Variants in SGCD observed in about 807,000 individuals in gnomAD.
The protein encoded by SGCD is delta-sarcoglycan.
Under a neutral mutation model 36.6 loss-of-function variants are expected in SGCD, and 18 were observed. That is an observed-to-expected ratio of 0.49 (90% confidence interval 0.34 to 0.73). The LOEUF (loss-of-function observed/expected upper bound fraction) is 0.73, where lower values mean the gene tolerates loss of function less well. Among genes scored for constraint, SGCD ranks in the 30% least tolerant of loss-of-function variants. The pLI, the probability that SGCD is intolerant of heterozygous loss-of-function variation, is 0.01. For synonymous variants in SGCD, 133 were observed against 130.6 expected, an observed-to-expected ratio of 1.02 and a Z score of -0.12; for missense variants, 387 against 346.7, an observed-to-expected ratio of 1.12 and a Z score of -0.92.
At chr5:156,122,194 G>C (rs1014955775) in intron 2 of SGCD, among the ~76,000 whole-genome samples, 2 of 152,112 alleles carry the variant, frequency 1.3e-5, no homozygotes, top group African/African-American at 4.8e-5. Flanking sequence ...TAACCTTACT[G>C]TCTGCTTATT....
At chr5:156,390,010 C>T (rs142496246) in intron 3 of SGCD, among the ~76,000 whole-genome samples, 3 of 152,128 alleles carry the variant, frequency 2.0e-5, no homozygotes, top group African/African-American at 7.2e-5. Context: ...TCATAGTCGT[C>T]GTCTTATGGT....
At chr5:156,757,472 C>G (rs1472731447) in intron 7 of SGCD, 109 bp from the exon 8 acceptor site, 1 of 712,730 alleles carries the variant, frequency 1.4e-6, no homozygotes, top group African/African-American at 1.8e-5. Flanking sequence ...TTAAAAAATT[C>G]TCTGATCAAA....
At chr5:156,636,649 A>G (rs1412660730) in intron 6 of SGCD, among the ~76,000 whole-genome samples, 2 of 152,176 alleles carry the variant, frequency 1.3e-5, no homozygotes, top group East Asian at 3.9e-4. Context: ...GGAAAGGAAA[A>G]GTACTTTCTG....
intron 3 of SGCD, among the ~76,000 whole-genome samples, chr5:156,398,341 G>C (rs1350850169): frequency 3.9e-5 from 6 of 152,178 alleles, no homozygotes; most frequent in Admixed American, 3.9e-4. Flanking sequence ...GTTTGTTGAG[G>C]AATCTATTTA....
intron 1 of SGCD, among the ~76,000 whole-genome samples, chr5:156,017,620 A>G (rs901898779): frequency 6.6e-6 from 1 of 152,088 alleles, no homozygotes; most frequent in Admixed American, 6.5e-5. Context: ...CTGATATGTA[A>G]GAAATTCAAT....
intron 1 of SGCD, among the ~76,000 whole-genome samples, chr5:155,941,608 A>T (rs982002869): frequency 6.6e-6 from 1 of 151,496 alleles, no homozygotes. Context: ...TTACATTGCC[A>T]TTCATAATTA....
chr5:156,030,595 A>T (rs969787035), intron 1 of SGCD, among the ~76,000 whole-genome samples: 3 of 152,232 alleles, frequency 2.0e-5, no homozygotes, highest in Non-Finnish European at 4.4e-5. Flanking sequence ...GTCATTTTTT[A>T]TAGCAGCCCT....
chr5:156,161,876 T>C (rs1023545410), intron 3 of SGCD, among the ~76,000 whole-genome samples: 1 of 151,644 alleles, frequency 6.6e-6, no homozygotes, highest in Non-Finnish European at 1.5e-5. Context: ...TGTATGAAAA[T>C]GTAACTCTCT....
intron 3 of SGCD, among the ~76,000 whole-genome samples, chr5:156,352,988 T>C (rs1769331377): frequency 6.6e-6 from 1 of 152,214 alleles, no homozygotes; most frequent in Non-Finnish European, 1.5e-5. Flanking sequence ...TTATTTACCC[T>C]GAAGTAAGAT....
At chr5:156,246,552 G>C (rs774434906) in intron 3 of SGCD, among the ~76,000 whole-genome samples, 5 of 152,036 alleles carry the variant, frequency 3.3e-5, no homozygotes, top group Non-Finnish European at 7.4e-5. Flanking sequence ...ATTGATTTAG[G>C]AAGTTCTTAT....
chr5:156,117,222 G>A (rs918386556), intron 1 of SGCD, among the ~76,000 whole-genome samples: 8 of 151,976 alleles, frequency 5.3e-5, no homozygotes, highest in African/African-American at 1.4e-4. Context: ...TAGGGAAGAC[G>A]CAAACACATT....
intron 7 of SGCD, chr5:156,739,849 T>C (rs573231548): frequency 1.6e-4 from 24 of 152,286 alleles, no homozygotes; most frequent in African/African-American, 5.5e-4. Context: ...TGAACCTCCC[T>C]TGCCTCCTGC....
At chr5:156,047,295 C>T (rs1266980584) in intron 1 of SGCD, among the ~76,000 whole-genome samples, 1 of 152,138 alleles carries the variant, frequency 6.6e-6, no homozygotes, top group African/African-American at 2.4e-5. Flanking sequence ...CACGCAAGAT[C>T]ATCGATGAAG....
intron 1 of SGCD, among the ~76,000 whole-genome samples, chr5:155,880,640 A>G (rs960510214): frequency 6.6e-6 from 1 of 152,156 alleles, no homozygotes; most frequent in African/African-American, 2.4e-5. Context: ...AAGAAATGCT[A>G]TTATTTACAT....
At chr5:155,944,505 C>G (rs925584851) in intron 1 of SGCD, among the ~76,000 whole-genome samples, 2 of 152,126 alleles carry the variant, frequency 1.3e-5, no homozygotes, top group Non-Finnish European at 2.9e-5. Context: ...CTATAGATTA[C>G]CTCGTTGGGT....
chr5:155,940,999 CA>C (rs1278170673), intron 1 of SGCD, among the ~76,000 whole-genome samples: 1 of 151,878 alleles, frequency 6.6e-6, no homozygotes, highest in East Asian at 1.9e-4. Context: ...GAAGAAGAGA[CA>C]TTTTTTTTTT....
intron 3 of SGCD, among the ~76,000 whole-genome samples, chr5:156,500,641 T>C (rs191450417): frequency 6.6e-6 from 1 of 152,122 alleles, no homozygotes; most frequent in African/African-American, 2.4e-5. Context: ...TATCAAAATA[T>C]CAAAAATTGC....
In SGCD at chr5:156,321,481, G is replaced by A. The variant is rs999493396; in HGVS notation, c.-43-8053G>A. ...TAAATAAAAAACCTTCTCTGGGCAC[G>A]ATGCTGAAGTGAGTCTTTGGTATTT... On this transcript the variant is annotated intron_variant, in intron 3 of 9. Transcript: ENST00000517913. Among the ~76,000 whole-genome samples, 7 of 152,166 alleles carry A rather than the reference G, an allele frequency of 4.6e-5. No individual in the cohort carries two copies. The South Asian group carries it at 1.2e-3, about 27-fold the overall frequency.
At chr5:155,803,267 C>A in the SGCD span, among the ~76,000 whole-genome samples, 1 of 152,206 alleles carries the variant, frequency 6.6e-6, no homozygotes, top group Admixed American at 6.5e-5. Context: ...GAGCAGCCAG[C>A]AGCGTGAGGC....
Sources: gnomAD v4.1 joint callset for allele counts (sites outside exome capture counted in the v4.1 genomes callset) on GRCh38, gnomAD v4.1.1 for gene constraint, MANE v1.5 for transcripts, NCBI Gene and HGNC (gene_info 2026-07-23, HGNC 2026-07-21) for gene names.